Variants in NOL4 observed in about 807,000 individuals in gnomAD.
NOL4 encodes nucleolar protein 4.
A neutral mutation model predicts 75.9 loss-of-function variants in NOL4; 17 were observed. The ratio of observed to expected loss-of-function variants is 0.22; its 90% CI spans 0.15 to 0.34. The LOEUF is 0.34. Ranked by LOEUF, NOL4 falls within the 10% of genes least tolerant of loss-of-function variation. NOL4 has a pLI of 1.00. For synonymous variants in NOL4, 292 were observed against 289.9 expected (o/e 1.01, Z -0.07); for missense variants, 614 against 793.5 (o/e 0.77, Z 2.72).
At chr18:34,155,754 A>G (rs1420254914) in intron 1 of NOL4, among the ~76,000 whole-genome samples, 2 of 152,114 alleles carry the variant, frequency 1.3e-5, no homozygotes, top group Non-Finnish European at 2.9e-5. Flanking sequence ...GCAGGACAAG[A>G]TTGTACTAAG....
At chr18:33,924,337 C>A (rs1015229867) in intron 9 of NOL4, among the ~76,000 whole-genome samples, 1 of 152,212 alleles carries the variant, frequency 6.6e-6, no homozygotes. Context: ...ACCCTTGGTT[C>A]TGACCATATT....
chr18:34,136,624 A>G (rs2080903837), intron 1 of NOL4, among the ~76,000 whole-genome samples: 1 of 152,170 alleles, frequency 6.6e-6, no homozygotes, highest in South Asian at 2.1e-4. Context: ...TTTAGATATA[A>G]TGTTAAAAAA....
chr18:33,908,085 G>A (rs568316405), intron 9 of NOL4, among the ~76,000 whole-genome samples: 8 of 151,978 alleles, frequency 5.3e-5, no homozygotes, highest in East Asian at 3.9e-4. Flanking sequence ...ATGGTTCTAC[G>A]GGCATGTCAA....
chr18:34,019,523 C>T lies in NOL4; in HGVS notation c.851G>A (p.Arg284Lys). 1.2e-6 allele frequency: 2 copies of T among 1,614,074 alleles called. No homozygotes were observed. Among genetic ancestry groups the T allele is most frequent in the Non-Finnish European group, 1.7e-6 (2 of 1,179,990 alleles). Residue 284 changes from arginine (R) to lysine (K), a missense_variant, in exon 6 of 11, where the codon AGG becomes AAG. This residue lies in a region of NOL4 where 196 missense variants were observed against 167.9 expected (regional missense o/e 1.17). Transcript: ENST00000261592. ...ATCACTGTTGGAGTCTCCCATCTCC[C>T]TGCTGTGTGTTCCCCCTGAAGCAAT... ...SSIASGGTHS[R>K]EMGDSNSDGK... is the part of the protein sequence containing the mutation.
chr18:33,895,997 T>C (rs904775531), intron 9 of NOL4, among the ~76,000 whole-genome samples: 2 of 152,068 alleles, frequency 1.3e-5, no homozygotes, highest in African/African-American at 4.8e-5. Flanking sequence ...AGCATTCTTA[T>C]ACACCACCAA....
intron 1 of NOL4, among the ~76,000 whole-genome samples, chr18:34,202,658 G>T (rs2035817936): frequency 6.6e-6 from 1 of 151,938 alleles, no homozygotes; most frequent in African/African-American, 2.4e-5. Flanking sequence ...TGAAAATTGA[G>T]AAAATATTAA....
intron 1 of NOL4, among the ~76,000 whole-genome samples, chr18:34,179,232 A>G (rs1345765054): frequency 1.3e-5 from 2 of 151,610 alleles, no homozygotes; most frequent in Admixed American, 6.6e-5. Context: ...TGCATTTAAA[A>G]AAGAAAGATC....
intron 1 of NOL4, among the ~76,000 whole-genome samples, chr18:34,193,717 C>T (rs1451598780): frequency 6.6e-6 from 1 of 152,076 alleles, no homozygotes; most frequent in Non-Finnish European, 1.5e-5. Context: ...TATGATCCAG[C>T]CATCCTACTA....
intron 2 of NOL4, among the ~76,000 whole-genome samples, chr18:34,129,489 A>C (rs1444956357): frequency 6.6e-6 from 1 of 151,798 alleles, no homozygotes; most frequent in African/African-American, 2.4e-5. Context: ...GATTTGATGG[A>C]AAATAATTGT....
At chr18:34,144,364 G>A (rs1354851811) in intron 1 of NOL4, among the ~76,000 whole-genome samples, 1 of 152,106 alleles carries the variant, frequency 6.6e-6, no homozygotes, top group African/African-American at 2.4e-5. Flanking sequence ...TGAATTCAGT[G>A]ACGATTTTAT....
At chr18:34,071,502 T>C (rs2077518326) in intron 5 of NOL4, among the ~76,000 whole-genome samples, 2 of 151,816 alleles carry the variant, frequency 1.3e-5, no homozygotes, top group Admixed American at 1.3e-4. Context: ...GTTCAGTTTA[T>C]AATGTTTTGA....
chr18:34,174,229 T>C lies in NOL4; in HGVS notation c.265-44209A>G, dbSNP rs1234757485. On this transcript the variant is annotated intron_variant, in intron 1 of 10. Transcript: ENST00000261592. ...ACTGTTCAAAGAAGGAAACTTAATC[T>C]GTACTATTTAAATCCAGGGCACAGA... Among the ~76,000 whole-genome samples the C allele has an allele frequency of 2.0e-5, 3 of 152,272 alleles. No homozygotes were observed. In the East Asian group the frequency reaches 5.8e-4, roughly 29 times the overall value.
At chr18:34,151,528 T>A (rs1469374394) in intron 1 of NOL4, among the ~76,000 whole-genome samples, 1 of 151,664 alleles carries the variant, frequency 6.6e-6, no homozygotes, top group Admixed American at 6.6e-5. Context: ...AGTAAAAAGA[T>A]CAGTGGTTGC....
rs534238661 is a variant in NOL4, at chr18:34,098,221, T to C, written c.640-4624A>G. 9.2e-5 allele frequency among the ~76,000 whole-genome samples: 14 copies of C among 152,226 alleles called. No homozygotes were observed. In the East Asian group the frequency reaches 2.3e-3, roughly 25 times the overall value. Reference sequence around the variant, plus strand: ...TGGTTTTGTTATTTGCTTTGGTCAATAGAAATATGGCAGAAGTGATGCTGT... The same window carrying C: ...TGGTTTTGTTATTTGCTTTGGTCAACAGAAATATGGCAGAAGTGATGCTGT... On this transcript the variant is annotated intron_variant, in intron 4 of 10. Coordinates refer to ENST00000261592, the MANE Select transcript of NOL4 (RefSeq NM_003787.5).
chr18:33,948,518 T>C (rs1467447469), intron 8 of NOL4, among the ~76,000 whole-genome samples: 1 of 152,012 alleles, frequency 6.6e-6, no homozygotes, highest in African/African-American at 2.4e-5. Flanking sequence ...TAAGTCATAC[T>C]GAACTGAATA....
chr18:34,117,259 TTGTG>T (rs1384045866), intron 2 of NOL4, among the ~76,000 whole-genome samples: 1 of 151,970 alleles, frequency 6.6e-6, no homozygotes, highest in African/African-American at 2.4e-5. Flanking sequence ...TTCAGAGAGG[TTGTG>T]TATTTTGCCA....
chr18:34,076,755 G>A (rs1422345709), intron 5 of NOL4, among the ~76,000 whole-genome samples: 1 of 152,074 alleles, frequency 6.6e-6, no homozygotes, highest in African/African-American at 2.4e-5. Context: ...ATGCAAAATG[G>A]TAAATCATAT....
chr18:33,896,706 A>C (rs2065432108), intron 9 of NOL4, among the ~76,000 whole-genome samples: 1 of 152,166 alleles, frequency 6.6e-6, no homozygotes, highest in Non-Finnish European at 1.5e-5. Context: ...GGACATATGA[A>C]TAGACAAAGA....
intron 5 of NOL4, among the ~76,000 whole-genome samples, chr18:34,029,004 T>G (rs2075495398): frequency 6.6e-6 from 1 of 152,140 alleles, no homozygotes; most frequent in Admixed American, 6.6e-5. Flanking sequence ...CATCCTTCTA[T>G]TGAGCAATTT....
Sources: allele counts gnomAD v4.1 joint callset (sites outside exome capture counted in the v4.1 genomes callset), GRCh38; gene constraint gnomAD v4.1.1; regional missense constraint gnomAD v4.1.1; transcripts MANE v1.5; gene names NCBI Gene and HGNC (gene_info 2026-07-23, HGNC 2026-07-21).